THOC2: variants seen among roughly 807,000 people sequenced by gnomAD.
THOC2 encodes THO complex 2.
In THOC2, 10 loss-of-function variants were observed where a neutral mutation model predicts 128.4. The observed-to-expected ratio is 0.08, with a 90% CI of 0.05 to 0.13. The LOEUF is 0.13. THOC2 is among the 10% of genes least tolerant of loss of function. The pLI is 1.00. For missense variants in THOC2, 535 were observed against 1,155.7 expected (o/e 0.46, Z 7.79); for synonymous variants, 393 against 396.9 (o/e 0.99, Z 0.12).
chrX:123,610,848 T>C, intron 38 of THOC2, 70 bp downstream of exon 38: 1 of 980,388 alleles, frequency 1.0e-6, no homozygotes, highest in Non-Finnish European at 1.4e-6. Context: ...ATGCATCTAG[T>C]TTTTCAACAT....
chrX:123,686,337 T>C (rs1191719620), intron 8 of THOC2, among the ~76,000 whole-genome samples: 1 of 111,872 alleles, frequency 8.9e-6, no homozygotes, highest in African/African-American at 3.2e-5. Context: ...AGGCAAAACT[T>C]AATAATTCTT....
chrX:123,727,221 C>A (rs1328389217), intron 1 of THOC2, among the ~76,000 whole-genome samples: 1 of 109,746 alleles, frequency 9.1e-6, no homozygotes, highest in Non-Finnish European at 1.9e-5. Flanking sequence ...TCAAAAAAAA[C>A]TTAGTTAAAA....
intron 12 of THOC2, among the ~76,000 whole-genome samples, chrX:123,654,431 C>T (rs183748102): frequency 9.3e-6 from 1 of 107,328 alleles, no homozygotes; most frequent in African/African-American, 3.4e-5. Context: ...TATATATATA[C>T]ACACACACTT....
chrX:123,623,713 T>C, intron 28 of THOC2, 74 bp downstream of exon 28: 1 of 1,198,029 alleles, frequency 8.3e-7, no homozygotes, highest in Non-Finnish European at 1.1e-6. Flanking sequence ...TTCAACACTG[T>C]AAAACATTTT....
At chrX:123,659,680 G>A (rs1005643917) in intron 12 of THOC2, among the ~76,000 whole-genome samples, 7 of 112,609 alleles carry the variant, frequency 6.2e-5, no homozygotes, top group Non-Finnish European at 1.1e-4. Flanking sequence ...TCAAATTTAA[G>A]AAACATATAT....
intron 19 of THOC2, 28 bp from the exon 20 acceptor site, chrX:123,634,098 T>A: frequency 4.5e-6 from 4 of 887,619 alleles, no homozygotes; most frequent in Non-Finnish European, 6.5e-6. Context: ...AGAAACAGTC[T>A]ATAGTTAGAA....
chrX:123,649,053 T>A (rs1158786107), intron 12 of THOC2, among the ~76,000 whole-genome samples: 1 of 111,975 alleles, frequency 8.9e-6, no homozygotes, highest in Non-Finnish European at 1.9e-5. Flanking sequence ...GACAGACACA[T>A]CATACAGGAG....
At chrX:123,695,536 T>C (rs7888336) in intron 7 of THOC2, among the ~76,000 whole-genome samples, 22 of 112,592 alleles carry the variant, frequency 2.0e-4, no homozygotes, top group African/African-American at 7.1e-4. Flanking sequence ...TGTAAAGTTA[T>C]TTTGAAAATC....
chrX:123,720,239 A>C (rs767324799), intron 1 of THOC2, among the ~76,000 whole-genome samples: 7 of 110,377 alleles, frequency 6.3e-5, no homozygotes, highest in Non-Finnish European at 1.3e-4. Context: ...TGAGGCTAGG[A>C]GTTCGAGACC....
intron 2 of THOC2, among the ~76,000 whole-genome samples, chrX:123,710,727 C>T (rs1240209820): frequency 9.1e-6 from 1 of 109,809 alleles, no homozygotes; most frequent in Non-Finnish European, 1.9e-5. Flanking sequence ...CGGTGGCTCA[C>T]GCCTGTAATC....
At chrX:123,660,912 G>A (rs750856580) in intron 12 of THOC2, among the ~76,000 whole-genome samples, 2 of 111,820 alleles carry the variant, frequency 1.8e-5, no homozygotes, top group South Asian at 3.7e-4. Context: ...AACCTGTTAA[G>A]TGCCCATCAA....
At chrX:123,642,865 G>T (rs1245963703) in intron 15 of THOC2, among the ~76,000 whole-genome samples, 1 of 111,470 alleles carries the variant, frequency 9.0e-6, no homozygotes, top group Non-Finnish European at 1.9e-5. Flanking sequence ...CTGAGTAGAT[G>T]GAGGATGGAG....
chrX:123,623,131 G>A lies in THOC2; in HGVS notation c.3656C>T (p.Ser1219Leu), dbSNP rs1414075506. 8 of 1,208,445 alleles carry A rather than the reference G, an allele frequency of 6.6e-6. No homozygotes were observed. The South Asian group carries it at 7.1e-5, about 11-fold the overall frequency. Residue 1219 changes from serine (S) to leucine (L), a missense_variant, in exon 29 of 39, where the codon TCG becomes TTG. This residue lies in a region of THOC2 where 116 missense variants were observed against 180.0 expected (regional missense o/e 0.64). Coordinates refer to ENST00000245838, the MANE Select transcript of THOC2 (RefSeq NM_001081550.2). ...AGTCTCCTCAGTACTGCTTTCATCCGATTTAGATGCACTTCCTATTGATGA... is the reference window on the plus strand; with the variant it reads ...AGTCTCCTCAGTACTGCTTTCATCCAATTTAGATGCACTTCCTATTGATGA... ...SSSSIGSASKSDESSTEETDK... is the reference protein window; with the variant it reads ...SSSSIGSASKLDESSTEETDK...
chrX:123,687,320 A>G (rs964715803), intron 7 of THOC2, among the ~76,000 whole-genome samples: 12 of 112,023 alleles, frequency 1.1e-4, no homozygotes, highest in Non-Finnish European at 1.3e-4. Context: ...CTAACAGATC[A>G]AAGAATACCA....
At chrX:123,724,686 G>GA (rs1287806556) in intron 1 of THOC2, among the ~76,000 whole-genome samples, 4 of 110,654 alleles carry the variant, frequency 3.6e-5, no homozygotes, top group African/African-American at 1.3e-4. Context: ...CTCTGTCTCA[G>GA]AAAAAATAAA....
chrX:123,671,568 C>A, intron 9 of THOC2, 101 bp downstream of exon 9: 1 of 437,912 alleles, frequency 2.3e-6, no homozygotes, highest in Non-Finnish European at 3.9e-6. Context: ...ACTTGAGAAC[C>A]TCGAACCAAC....
At chrX:123,668,354 C>T in intron 9 of THOC2, 40 bp from the exon 10 acceptor site, 3 of 942,949 alleles carry the variant, frequency 3.2e-6, no homozygotes, top group Non-Finnish European at 4.4e-6. Context: ...ATAGCTAATA[C>T]CAACTACTTG....
chrX:123,636,504 T>C (rs1262474635), intron 18 of THOC2, among the ~76,000 whole-genome samples: 1 of 111,960 alleles, frequency 8.9e-6, no homozygotes, highest in African/African-American at 3.2e-5. Flanking sequence ...AGTCAAATCT[T>C]TGCAGCCTGA....
chrX:123,666,967 C>T (rs914769738), intron 11 of THOC2, 139 bp downstream of exon 11: 6 of 429,754 alleles, frequency 1.4e-5, no homozygotes, highest in Non-Finnish European at 1.9e-5. Context: ...CAGACTGATA[C>T]ACTCTGTGAA....
Sources: allele counts gnomAD v4.1 joint callset (sites outside exome capture counted in the v4.1 genomes callset), GRCh38; gene constraint gnomAD v4.1.1; regional missense constraint gnomAD v4.1.1; transcripts MANE v1.5; gene names NCBI Gene and HGNC (gene_info 2026-07-23, HGNC 2026-07-21).